PITPNM3: variants seen among roughly 807,000 people sequenced by gnomAD.
The protein encoded by PITPNM3 is PITPNM family member 3.
Under a neutral mutation model 102.0 loss-of-function variants are expected in PITPNM3, and 26 were observed. That is an observed-to-expected ratio of 0.25 (90% CI 0.19 to 0.35). The LOEUF (loss-of-function observed/expected upper bound fraction) is 0.35. PITPNM3 is among the 10% of genes least tolerant of loss of function. The pLI, the probability that PITPNM3 is intolerant of heterozygous loss-of-function variation, is 1.00. For missense variants in PITPNM3, 1,083 were observed against 1,346.1 expected (o/e 0.80, Z 3.06); for synonymous variants, 578 against 558.6 (o/e 1.03, Z -0.49).
chr17:6,516,477 T>C (rs1908183219), intron 3 of PITPNM3, among the ~76,000 whole-genome samples: 2 of 144,650 alleles, frequency 1.4e-5, no homozygotes, highest in Admixed American at 7.4e-5. Flanking sequence ...GGCAGGAGAA[T>C]GGCGTGAACC....
At chr17:6,542,691 G>A (rs1017746899) in intron 1 of PITPNM3, among the ~76,000 whole-genome samples, 1 of 152,156 alleles carries the variant, frequency 6.6e-6, no homozygotes, top group African/African-American at 2.4e-5. Flanking sequence ...CTAGCCCACT[G>A]CCTGGCACTT....
At chr17:6,471,473 G>T in intron 11 of PITPNM3, 118 bp from the exon 12 acceptor site, 1 of 1,035,678 alleles carries the variant, frequency 9.7e-7, no homozygotes, top group Non-Finnish European at 1.4e-6. Context: ...CCCCGGCTCT[G>T]CTCACTTGCC....
intron 1 of PITPNM3, among the ~76,000 whole-genome samples, chr17:6,549,291 C>T (rs1910186918): frequency 6.6e-6 from 1 of 152,226 alleles, no homozygotes; most frequent in Non-Finnish European, 1.5e-5. Flanking sequence ...GACTGAACCC[C>T]AACATGCCAC....
At chr17:6,555,069 C>T (rs979501358) in intron 1 of PITPNM3, among the ~76,000 whole-genome samples, 1 of 152,092 alleles carries the variant, frequency 6.6e-6, no homozygotes, top group Non-Finnish European at 1.5e-5. Context: ...GACCCAGGCA[C>T]GGTGGAGGAA....
chr17:6,465,663 G>A (rs1333180565), intron 14 of PITPNM3, among the ~76,000 whole-genome samples: 1 of 152,126 alleles, frequency 6.6e-6, no homozygotes, highest in Non-Finnish European at 1.5e-5. Flanking sequence ...CAGCCCCACC[G>A]GGATTATCCT....
At chr17:6,483,105 T>C (rs999149027) in intron 6 of PITPNM3, among the ~76,000 whole-genome samples, 3 of 152,136 alleles carry the variant, frequency 2.0e-5, no homozygotes, top group African/African-American at 4.8e-5. Flanking sequence ...CCACCTCACC[T>C]GGCTAATTTT....
chr17:6,503,485 C>T (rs546189816), intron 4 of PITPNM3, 42 bp downstream of exon 4: 2 of 1,605,574 alleles, frequency 1.2e-6, no homozygotes, highest in South Asian at 2.2e-5. Context: ...TTGCACCCAT[C>T]CAAGGGGAAG....
chr17:6,525,506 G>T, intron 2 of PITPNM3, 43 bp from the exon 3 acceptor site: 2 of 1,460,188 alleles, frequency 1.4e-6, no homozygotes, highest in South Asian at 1.1e-5. Flanking sequence ...GTGCAGCTAG[G>T]GATAGGTAGC....
chr17:6,489,264 T>C (rs1476097700), intron 4 of PITPNM3, among the ~76,000 whole-genome samples: 1 of 152,136 alleles, frequency 6.6e-6, no homozygotes. Context: ...CAGGGGTGGA[T>C]GCTGAGGGCC....
At position 6,454,111 on chromosome 17, in the gene PITPNM3, C is replaced by T. The variant is rs1397819136; in HGVS notation, c.*1227G>A. ...AGTTGGAGCCAAACTTCCAGGAACC[C>T]CTAGAACCCTGGAATCTCAGCTCTA... On this transcript the variant is annotated 3_prime_UTR_variant, in exon 20 of 20. Transcript: ENST00000262483. 3 of 152,354 alleles carry T rather than the reference C, an allele frequency of 2.0e-5. No individual in the cohort carries two copies. The highest frequency in any genetic ancestry group is 2.0e-4 in the Admixed American group (3 of 15,284). The allele number at this position is 152,354 out of a possible 1,614,324, so 9.4% of individuals were successfully genotyped here.
chr17:6,553,760 C>A (rs1372018958), intron 1 of PITPNM3, among the ~76,000 whole-genome samples: 4 of 152,212 alleles, frequency 2.6e-5, no homozygotes, highest in Non-Finnish European at 4.4e-5. Context: ...CCCCACCCCG[C>A]CAGAGTGAAG....
intron 4 of PITPNM3, among the ~76,000 whole-genome samples, chr17:6,493,789 G>T (rs1221943852): frequency 6.6e-6 from 1 of 152,204 alleles, no homozygotes; most frequent in African/African-American, 2.4e-5. Context: ...CCTGGCCCTT[G>T]CGAGGGCCTA....
intron 4 of PITPNM3, among the ~76,000 whole-genome samples, chr17:6,497,871 C>A (rs938650936): frequency 2.6e-5 from 4 of 152,202 alleles, no homozygotes; most frequent in Admixed American, 2.0e-4. Flanking sequence ...CAGAGGGAGG[C>A]TCCTCTCAAC....
intron 8 of PITPNM3, 141 bp from the exon 9 acceptor site, chr17:6,477,354 A>C: frequency 1.1e-6 from 1 of 888,400 alleles, no homozygotes; most frequent in Admixed American, 2.0e-5. Flanking sequence ...AGACACAGGA[A>C]GCCACATTGC....
chr17:6,518,393 C>A (rs1198668096), intron 3 of PITPNM3, among the ~76,000 whole-genome samples: 1 of 151,140 alleles, frequency 6.6e-6, no homozygotes, highest in Non-Finnish European at 1.5e-5. Flanking sequence ...AAAAGATTAT[C>A]CCCCCAAAAA....
intron 3 of PITPNM3, among the ~76,000 whole-genome samples, chr17:6,507,059 A>G (rs1357631080): frequency 6.6e-6 from 1 of 152,254 alleles, no homozygotes; most frequent in East Asian, 1.9e-4. Context: ...ATAAGCACCT[A>G]ACCTCAGCCC....
At chr17:6,529,770 T>C (rs1909038768) in intron 2 of PITPNM3, among the ~76,000 whole-genome samples, 1 of 152,198 alleles carries the variant, frequency 6.6e-6, no homozygotes, top group Non-Finnish European at 1.5e-5. Flanking sequence ...GACCACAAGA[T>C]TGCTCACATT....
chr17:6,474,425 T>C lies in PITPNM3; in HGVS notation c.1258+7A>G, dbSNP rs763000753. ...GCACCTCAGGCCCCAGCCCACACCA[T>C]CCCTACCGTCCAGCCCAGGCAGCAC... On this transcript the variant is annotated splice_region_variant and intron_variant, in intron 10 of 19. Transcript: ENST00000262483. The C allele has an allele frequency of 6.2e-6, 10 of 1,612,530 alleles. No individual in the cohort carries two copies. Among genetic ancestry groups the C allele is most frequent in the Non-Finnish European group, 8.5e-7 (1 of 1,179,730 alleles).
chr17:6,510,007 C>T (rs1054339450), intron 3 of PITPNM3, among the ~76,000 whole-genome samples: 2 of 151,942 alleles, frequency 1.3e-5, no homozygotes, highest in South Asian at 4.2e-4. Flanking sequence ...CAGCCCAATG[C>T]TCCACACCCC....
Sources: gnomAD v4.1 joint callset for allele counts (sites outside exome capture counted in the v4.1 genomes callset) on GRCh38, gnomAD v4.1.1 for gene constraint, MANE v1.5 for transcripts, NCBI Gene and HGNC (gene_info 2026-07-23, HGNC 2026-07-21) for gene names.